The following NTRK3 variants were observed in gnomAD, a reference collection of about 807,000 sequenced individuals.
The protein encoded by NTRK3 is neurotrophic receptor tyrosine kinase 3.
A neutral mutation model predicts 91.7 loss-of-function variants in NTRK3; 24 were observed. That is an observed-to-expected ratio of 0.26 (90% CI 0.19 to 0.37). NTRK3 has a LOEUF of 0.37. Ranked by LOEUF, NTRK3 falls within the 10% of genes least tolerant of loss-of-function variation. The probability of loss-of-function intolerance (pLI) is 1.00; values close to 1 mark genes in which losing one functional copy is unlikely to be tolerated. For synonymous variants in NTRK3, 483 were observed against 404.0 expected (o/e 1.20, Z -2.34); for missense variants, 880 against 1,068.9 (o/e 0.82, Z 2.46).
chr15:88,021,616 A>G (rs1018576614), intron 14 of NTRK3, among the ~76,000 whole-genome samples: 2 of 152,048 alleles, frequency 1.3e-5, no homozygotes, highest in Admixed American at 1.3e-4. Flanking sequence ...GCCTATTCGT[A>G]TCCTTCAGAG....
At chr15:87,963,537 G>A (rs544990048) in intron 14 of NTRK3, among the ~76,000 whole-genome samples, 1 of 152,252 alleles carries the variant, frequency 6.6e-6, no homozygotes, top group Admixed American at 6.5e-5. Flanking sequence ...CTTTCAGTAT[G>A]GTATTCCATA....
chr15:87,902,832 T>C (rs2066532142), intron 17 of NTRK3, among the ~76,000 whole-genome samples: 1 of 152,020 alleles, frequency 6.6e-6, no homozygotes, highest in South Asian at 2.1e-4. Flanking sequence ...TTCAGAGAGA[T>C]CCCAGAGGCC....
intron 14 of NTRK3, among the ~76,000 whole-genome samples, chr15:88,011,656 G>A (rs1403539421): frequency 6.6e-6 from 1 of 152,136 alleles, no homozygotes. Flanking sequence ...GTGTATGCAT[G>A]AGCAGGCCAC....
At chr15:88,037,812 C>G (rs1318882156) in intron 13 of NTRK3, among the ~76,000 whole-genome samples, 2 of 152,204 alleles carry the variant, frequency 1.3e-5, no homozygotes, top group African/African-American at 4.8e-5. Flanking sequence ...ACACATCAGG[C>G]TCTGTAAAGG....
intron 14 of NTRK3, among the ~76,000 whole-genome samples, chr15:87,965,493 G>A (rs530776519): frequency 1.8e-4 from 27 of 152,110 alleles, no homozygotes; most frequent in South Asian, 6.2e-4. Context: ...TGGAGACCTC[G>A]AGATCAGTCT....
chr15:88,132,894 C>G (rs547949197), intron 10 of NTRK3, among the ~76,000 whole-genome samples: 2 of 152,284 alleles, frequency 1.3e-5, no homozygotes, highest in South Asian at 4.1e-4. Flanking sequence ...AGGAAATGAC[C>G]TCAGGTGAGG....
At chr15:87,950,450 A>G (rs545395443) in intron 14 of NTRK3, among the ~76,000 whole-genome samples, 93 of 152,278 alleles carry the variant, frequency 6.1e-4, no homozygotes, top group Non-Finnish European at 1.2e-3. Context: ...GCACCCCCCA[A>G]AATACAACAG....
intron 5 of NTRK3, among the ~76,000 whole-genome samples, chr15:88,174,833 C>T (rs889417654): frequency 2.0e-5 from 3 of 152,252 alleles, no homozygotes; most frequent in African/African-American, 4.8e-5. Context: ...GCGGCACCTC[C>T]ACTGCCTTGT....
chr15:87,937,337 T>C (rs1328471157), intron 15 of NTRK3, among the ~76,000 whole-genome samples: 1 of 152,240 alleles, frequency 6.6e-6, no homozygotes, highest in Non-Finnish European at 1.5e-5. Flanking sequence ...AGAGTTTTTA[T>C]GGAAGCTAGG....
chr15:88,004,851 C>A (rs919295511), intron 14 of NTRK3, among the ~76,000 whole-genome samples: 5 of 152,142 alleles, frequency 3.3e-5, no homozygotes, highest in Non-Finnish European at 5.9e-5. Flanking sequence ...ATGATGGTCT[C>A]ACTATCATTC....
chr15:88,108,830 A>AG (rs2050998182), intron 13 of NTRK3, among the ~76,000 whole-genome samples: 1 of 152,200 alleles, frequency 6.6e-6, no homozygotes, highest in Non-Finnish European at 1.5e-5. Flanking sequence ...GCAGAACCTC[A>AG]GGCCCTACCC....
At chr15:88,226,698 C>T (rs1209968976) in intron 3 of NTRK3, among the ~76,000 whole-genome samples, 1 of 152,226 alleles carries the variant, frequency 6.6e-6, no homozygotes, top group Non-Finnish European at 1.5e-5. Context: ...CCCACCCCTG[C>T]CCCTGGGCCC....
chr15:88,049,084 G>T (rs1442556483), intron 13 of NTRK3, among the ~76,000 whole-genome samples: 1 of 152,186 alleles, frequency 6.6e-6, no homozygotes, highest in Non-Finnish European at 1.5e-5. Flanking sequence ...CTTTTCCTCT[G>T]TGCCTGATAG....
intron 13 of NTRK3, among the ~76,000 whole-genome samples, chr15:88,050,776 G>A (rs1331612227): frequency 6.6e-6 from 1 of 152,064 alleles, no homozygotes; most frequent in Non-Finnish European, 1.5e-5. Context: ...AAGAAATTGA[G>A]GCTCAGAACT....
rs1049013880 is a variant in NTRK3, at chr15:88,241,430, G to T, written c.248+14476C>A. On this transcript the variant is annotated intron_variant, in intron 3 of 18. Coordinates refer to ENST00000394480, the Ensembl canonical transcript of NTRK3. This position sits in a 1 kb window ranked among gnomAD's most constrained non-coding sequence, Gnocchi z 4.3. ...GGAAGAGCAACCAATCATTTCCAGG[G>T]AGACAGAACATGACCCCGGAAAATG... Among the ~76,000 whole-genome samples the T allele has an allele frequency of 6.6e-6, 1 of 152,150 alleles. No homozygotes were observed. Among genetic ancestry groups the T allele is most frequent in the Non-Finnish European group, 1.5e-5 (1 of 68,014 alleles).
chr15:88,232,310 A>G (rs1228191553), intron 3 of NTRK3, among the ~76,000 whole-genome samples: 1 of 135,242 alleles, frequency 7.4e-6, no homozygotes, highest in African/African-American at 2.9e-5. Flanking sequence ...CTCACTTGTC[A>G]CATCCATCTT....
chr15:88,019,844 C>G (rs1336683759), intron 14 of NTRK3, among the ~76,000 whole-genome samples: 1 of 152,208 alleles, frequency 6.6e-6, no homozygotes, highest in African/African-American at 2.4e-5. Flanking sequence ...TGATCAACGT[C>G]TTAAGCCAAG....
chr15:87,946,028 T>C (rs902915387), intron 14 of NTRK3, among the ~76,000 whole-genome samples: 3 of 152,232 alleles, frequency 2.0e-5, no homozygotes, highest in Non-Finnish European at 2.9e-5. Context: ...TGTTTTTCTT[T>C]CCTTTCCAAT....
At chr15:87,955,356 G>A (rs983234062) in intron 14 of NTRK3, among the ~76,000 whole-genome samples, 3 of 152,198 alleles carry the variant, frequency 2.0e-5, no homozygotes, top group South Asian at 4.1e-4. Flanking sequence ...TAGGCCATAG[G>A]TGTTTAACTG....
Sources: allele counts gnomAD v4.1 joint callset (sites outside exome capture counted in the v4.1 genomes callset), GRCh38; gene constraint gnomAD v4.1.1; non-coding constraint Gnocchi (gnomAD v3.1); transcripts MANE v1.5; gene names NCBI Gene and HGNC (gene_info 2026-07-23, HGNC 2026-07-21).